The following FMNL1 variants were observed in gnomAD, a reference collection of about 807,000 sequenced individuals.
The protein encoded by FMNL1 is formin like 1, also known as formin-like protein 1.
A neutral mutation model predicts 121.3 loss-of-function variants in FMNL1; 43 were observed. The observed-to-expected ratio is 0.35, with a 90% CI of 0.28 to 0.46. The LOEUF is 0.46. Ranked by LOEUF, FMNL1 falls within the 20% of genes least tolerant of loss-of-function variation. The probability of loss-of-function intolerance (pLI) is 1.00; values close to 1 mark genes in which losing one functional copy is unlikely to be tolerated. For synonymous variants in FMNL1, 613 were observed against 613.5 expected (o/e 1.00, Z 0.01); for missense variants, 1,191 against 1,482.4 (o/e 0.80, Z 3.23).
intron 16 of FMNL1, among the ~76,000 whole-genome samples, 188 bp downstream of exon 16, chr17:45,242,653 C>A (rs79864138): frequency 6.6e-6 from 1 of 152,212 alleles, no homozygotes; most frequent in Non-Finnish European, 1.5e-5. Flanking sequence ...CTTTCCCAAA[C>A]GCCTTCCCCT....
In FMNL1 at chr17:45,233,386, C is replaced by T; in HGVS notation, c.401+89C>T. The T allele has an allele frequency of 7.3e-7, 1 of 1,362,562 alleles. No individual in the cohort carries two copies. The allele number at this position is 1,362,562 out of a possible 1,614,324, so 84.4% of individuals were successfully genotyped here. ...GAGCTTCCCCTTCCTACTCCCCCTG[C>T]CCCCTGCACAAGGCTGTGCTTGTGG... On this transcript the variant is annotated intron_variant, in intron 4 of 26. Coordinates refer to ENST00000331495, the MANE Select transcript of FMNL1 (RefSeq NM_005892.4). This position sits in a 1 kb window ranked among gnomAD's most constrained non-coding sequence, Gnocchi z 4.1.
chr17:45,242,089 C>A lies in FMNL1; in HGVS notation c.1828C>A (p.Pro610Thr). 6.5e-7 allele frequency: 1 copy of A among 1,527,614 alleles called. No individual in the cohort carries two copies. Among genetic ancestry groups the A allele is most frequent in the Non-Finnish European group, 8.8e-7 (1 of 1,141,066 alleles). 94.6% of individuals were successfully genotyped at this position (1,527,614 alleles called of 1,614,324 possible). The change falls in exon 15 of 27, where the codon CCG (proline) becomes ACG (threonine). Residue 610 changes from proline to threonine, a missense_variant. Around this residue, in one of 4 missense-constraint regions of FMNL1, gnomAD observed 519 missense variants for 492.8 expected, o/e 1.05. Transcript: ENST00000331495. The part of the protein sequence containing the change: ...PVPPPPPPPP[P>T]PPGGPPDALG... ...GCCTCCGCCGCCGCCGCCGCCGCCGCCGCCTCCCGGAGGTCCTCCTGATGC... is the reference window on the plus strand; with the variant it reads ...GCCTCCGCCGCCGCCGCCGCCGCCGACGCCTCCCGGAGGTCCTCCTGATGC...
Position 45,246,590 on chromosome 17 carries a change from C to T in FMNL1, c.3297C>T (p.Pro1099=), listed in dbSNP as rs1194348567. The T allele has an allele frequency of 1.3e-6, 2 of 1,599,568 alleles. No individual in the cohort carries two copies. Among genetic ancestry groups the T allele is most frequent in the Non-Finnish European group, 1.7e-6 (2 of 1,170,820 alleles). The change falls in exon 26 of 27, where the codon CCC becomes CCT. Residue 1099 remains proline (P), a synonymous_variant. Coordinates refer to ENST00000331495, the MANE Select transcript of FMNL1 (RefSeq NM_005892.4). ...AGGCCAGCCTGGGAGAAGAGATGCCCCTCTAGCCCCTCAGGTACCCAGATG... is the reference window on the plus strand; with the variant it reads ...AGGCCAGCCTGGGAGAAGAGATGCCTCTCTAGCCCCTCAGGTACCCAGATG... The part of the protein sequence containing the change: ...LCEASLGEEM[P]L
chr17:45,245,947 G>T lies in FMNL1; in HGVS notation c.3064G>T (p.Gly1022Cys). The part of the protein sequence containing the change: ...AAQEAGADTP[G>C]KGEPPAPKSP... ...CCAGGAGGCAGGCGCTGATACCCCG[G>T]GCAAAGGGGAGCCCCCAGCACCCAA... is the stretch of plus-strand genomic sequence containing the variant. Residue 1022 changes from glycine (G) to cysteine (C), a missense_variant, in exon 24 of 27, where the codon GGC becomes TGC. Physicochemically the swap from Gly to Cys is radical, Grantham distance 159. Coordinates refer to ENST00000331495, the MANE Select transcript of FMNL1 (RefSeq NM_005892.4). 6.3e-7 allele frequency: 1 copy of T among 1,580,842 alleles called. No individual in the cohort carries two copies. Among genetic ancestry groups the T allele is most frequent in the Non-Finnish European group, 8.6e-7 (1 of 1,167,998 alleles).
Position 45,233,386 on chromosome 17 carries a change from C to A in FMNL1, c.401+89C>A, listed in dbSNP as rs1239583166. 1.8e-5 allele frequency: 25 copies of A among 1,362,556 alleles called. No homozygotes were observed. Among genetic ancestry groups the A allele is most frequent in the Non-Finnish European group, 2.4e-5 (24 of 994,312 alleles). 84.4% of individuals were successfully genotyped at this position (1,362,556 alleles called of 1,614,324 possible). On this transcript the variant is annotated intron_variant, in intron 4 of 26. Coordinates refer to ENST00000331495, the MANE Select transcript of FMNL1 (RefSeq NM_005892.4). This position sits in a 1 kb window ranked among gnomAD's most constrained non-coding sequence, Gnocchi z 4.1. ...GAGCTTCCCCTTCCTACTCCCCCTGCCCCCTGCACAAGGCTGTGCTTGTGG... is the reference window on the plus strand; with the variant it reads ...GAGCTTCCCCTTCCTACTCCCCCTGACCCCTGCACAAGGCTGTGCTTGTGG...
Position 45,246,517 on chromosome 17 carries a change from T to C in FMNL1, c.3224T>C (p.Val1075Ala), listed in dbSNP as rs2043840845. The C allele has an allele frequency of 2.5e-6, 4 of 1,614,022 alleles. No individual in the cohort carries two copies. Among genetic ancestry groups the C allele is most frequent in the Admixed American group, 1.7e-5 (1 of 59,998 alleles). The change falls in exon 26 of 27, where the codon GTG becomes GCG. Residue 1075 changes from valine to alanine, a missense_variant. Transcript: ENST00000331495. ...CACCCCCACTCAGTGATCAAGACGG[T>C]GCCCTTCACGGCCCGCACCGGCAAG... ...IEDIITVIKT[V>A]PFTARTGKRT...
chr17:45,240,503 C>G lies in FMNL1; in HGVS notation c.1108C>G (p.Leu370Val). The change falls in exon 12 of 27, where the codon CTG becomes GTG. Residue 370 changes from leucine (L) to valine (V), a missense_variant. Physicochemically the swap from Leu to Val is conservative, Grantham distance 32 (BLOSUM62 1). Transcript: ENST00000331495. ...ERLRLTESDK[L>V]QVQIQAYLDN... is the part of the protein sequence containing the mutation. ...GCTTCGGCTCACCGAGAGTGACAAG[C>G]TGCAGGTGCAGATCCAGGCGTACCT... 1 of 1,613,600 alleles carries G rather than the reference C, an allele frequency of 6.2e-7. No homozygotes were observed. The highest frequency in any genetic ancestry group is 1.1e-5 in the South Asian group (1 of 91,032).
chr17:45,240,587 C>G lies in FMNL1; in HGVS notation c.1192C>G (p.Leu398Val). The G allele has an allele frequency of 1.9e-6, 3 of 1,613,888 alleles. No individual in the cohort carries two copies. The highest frequency in any genetic ancestry group is 2.5e-6 in the Non-Finnish European group (3 of 1,179,950). ...LEDTETKNAV[L>V]EHMEELQEQV... ...GGACACAGAGACCAAGAACGCTGTGCTGGAGCACATGGAGGAACTGCAGGA... is the reference window on the plus strand; with the variant it reads ...GGACACAGAGACCAAGAACGCTGTGGTGGAGCACATGGAGGAACTGCAGGA... Residue 398 changes from leucine (L) to valine (V), a missense_variant, in exon 12 of 27, where the codon CTG becomes GTG. Around this residue, in one of 4 missense-constraint regions of FMNL1, gnomAD observed 519 missense variants for 492.8 expected, o/e 1.05. Coordinates refer to ENST00000331495, the MANE Select transcript of FMNL1 (RefSeq NM_005892.4).
intron 1 of FMNL1, among the ~76,000 whole-genome samples, chr17:45,225,584 G>A (rs995318983): frequency 2.0e-5 from 3 of 152,186 alleles, no homozygotes; most frequent in African/African-American, 7.2e-5. Context: ...GTGACATCTG[G>A]GGCTGACTGG....
At position 45,233,394 on chromosome 17, in the gene FMNL1, A is replaced by C. The variant is rs549919754; in HGVS notation, c.401+97A>C. The C allele has an allele frequency of 3.8e-6, 5 of 1,323,126 alleles. No homozygotes were observed. The East Asian group carries it at 1.0e-4, about 27-fold the overall frequency. The allele number at this position is 1,323,126 out of a possible 1,614,324, so 82.0% of individuals were successfully genotyped here. A position where few individuals can be genotyped will look rare whatever the true frequency, so the allele number is the denominator to read the frequency against. ...CCTTCCTACTCCCCCTGCCCCCTGC[A>C]CAAGGCTGTGCTTGTGGACCACCTC... is the stretch of plus-strand genomic sequence containing the variant. On this transcript the variant is annotated intron_variant, in intron 4 of 26. Transcript: ENST00000331495. The surrounding 1 kb of genome is among the most constrained non-coding windows in gnomAD (Gnocchi z 4.1).
chr17:45,240,651 C>G, intron 12 of FMNL1, 26 bp downstream of exon 12: 1 of 1,606,130 alleles, frequency 6.2e-7, no homozygotes, highest in South Asian at 1.1e-5. Flanking sequence ...GACCCCAGCC[C>G]AGCACATCAT....
At chr17:45,230,246 C>T (rs1191804309) in intron 1 of FMNL1, among the ~76,000 whole-genome samples, 1 of 152,140 alleles carries the variant, frequency 6.6e-6, no homozygotes, top group Non-Finnish European at 1.5e-5. Flanking sequence ...AGATGATGCC[C>T]CAACAGGAAA....
rs2043620498 is a variant in FMNL1, at chr17:45,239,072, C to T, written c.1080+7C>T. On this transcript the variant is annotated splice_region_variant and intron_variant, in intron 11 of 26. Transcript: ENST00000331495. ...CCTGGACCTGTACTTGGAGGTAAGC[C>T]CTGTACTGCCCCCCAGACTGAACTG... is the stretch of plus-strand genomic sequence containing the variant. 1 of 1,607,900 alleles carries T rather than the reference C, an allele frequency of 6.2e-7. No homozygotes were observed. Among genetic ancestry groups the T allele is most frequent in the Non-Finnish European group, 8.5e-7 (1 of 1,174,416 alleles).
At chr17:45,232,928 G>A (rs960584192) in intron 3 of FMNL1, 1 of 529,916 alleles carries the variant, frequency 1.9e-6, no homozygotes, top group Non-Finnish European at 3.6e-6. Context: ...TTCATGTGCT[G>A]TGTGTGTGTG....
rs1036940184 is a variant in FMNL1 at position 45,231,067 on chromosome 17, G to T, written c.213+380G>T. 4.3e-4 allele frequency among the ~76,000 whole-genome samples: 65 copies of T among 152,190 alleles called. No homozygotes were observed. The highest frequency in any genetic ancestry group is 1.5e-3 in the African/African-American group (63 of 41,444). On this transcript the variant is annotated intron_variant, in intron 2 of 26. Transcript: ENST00000331495. This position sits in a 1 kb window ranked among gnomAD's most constrained non-coding sequence, Gnocchi z 4.7. ...TGGACATCTTCACCTGACCCCATGG[G>T]AGGGAGGGAGGAAGGGGCGGGAATT...
At chr17:45,244,323 A>G (rs539784396) in intron 19 of FMNL1, 79 bp downstream of exon 19, 1 of 1,461,946 alleles carries the variant, frequency 6.8e-7, no homozygotes, top group East Asian at 2.4e-5. Context: ...GCTCACCTGC[A>G]ATGCAACAAA....
At chr17:45,228,743 G>A (rs1273962268) in intron 1 of FMNL1, among the ~76,000 whole-genome samples, 1 of 152,054 alleles carries the variant, frequency 6.6e-6, no homozygotes, top group Admixed American at 6.5e-5. Context: ...TCCCTGGGTG[G>A]GTGAGGGCCT....
At chr17:45,235,802 A>G (rs2043536483) in intron 6 of FMNL1, among the ~76,000 whole-genome samples, 1 of 152,200 alleles carries the variant, frequency 6.6e-6, no homozygotes, top group Non-Finnish European at 1.5e-5. Flanking sequence ...GTGAATTCAG[A>G]TCTGCGTCTT....
At chr17:45,222,667 C>T (rs2043253197) in intron 1 of FMNL1, among the ~76,000 whole-genome samples, 1 of 152,132 alleles carries the variant, frequency 6.6e-6, no homozygotes, top group Admixed American at 6.5e-5. Context: ...TACAACCTCC[C>T]GGGAGCGGGA....
Sources: allele counts gnomAD v4.1 joint callset (sites outside exome capture counted in the v4.1 genomes callset), GRCh38; gene constraint gnomAD v4.1.1; regional missense constraint gnomAD v4.1.1; non-coding constraint Gnocchi (gnomAD v3.1); transcripts MANE v1.5; gene names NCBI Gene and HGNC (gene_info 2026-07-23, HGNC 2026-07-21).